Variants in MARCHF6 observed in about 807,000 individuals in gnomAD.
The protein encoded by MARCHF6 is membrane associated ring-CH-type finger 6, also known as E3 ubiquitin-protein ligase MARCHF6.
Under a neutral mutation model 133.7 loss-of-function variants are expected in MARCHF6, and 31 were observed. The ratio of observed to expected loss-of-function variants is 0.23; its 90% confidence interval spans 0.17 to 0.31. The LOEUF is 0.31. MARCHF6 is among the 10% of genes least tolerant of loss of function. The pLI, the probability that MARCHF6 is intolerant of heterozygous loss-of-function variation, is 1.00. For synonymous variants in MARCHF6, 395 were observed against 402.5 expected (o/e 0.98, Z 0.22); for missense variants, 723 against 1,121.6 (o/e 0.64, Z 5.08).
intron 1 of MARCHF6, among the ~76,000 whole-genome samples, chr5:10,375,037 G>A (rs373407147): frequency 6.6e-5 from 10 of 152,348 alleles, no homozygotes; most frequent in Admixed American, 1.3e-4. Context: ...CGCCTCCTCT[G>A]CCTGGGCTCC....
chr5:10,405,460 A>G, intron 15 of MARCHF6, 98 bp from the exon 16 acceptor site: 1 of 1,050,308 alleles, frequency 9.5e-7, no homozygotes, highest in Non-Finnish European at 1.3e-6. Context: ...TAGATGCCAG[A>G]ATAATTCTAA....
rs546967242 is a variant in MARCHF6, at chr5:10,406,534, C to T, written c.1453-568C>T. 2.6e-4 allele frequency among the ~76,000 whole-genome samples: 40 copies of T among 151,820 alleles called. 1 individual carries two copies. The South Asian group carries it at 5.4e-3, about 21-fold the overall frequency. ...CCTCCCAAGTAGCTGGGATTACAGGCGCCCACCACCAAGCTCAGCTAATTT... is the reference window on the plus strand; with the variant it reads ...CCTCCCAAGTAGCTGGGATTACAGGTGCCCACCACCAAGCTCAGCTAATTT... On this transcript the variant is annotated intron_variant, in intron 16 of 25. Coordinates refer to ENST00000274140, the MANE Select transcript of MARCHF6 (RefSeq NM_005885.4).
intron 22 of MARCHF6, among the ~76,000 whole-genome samples, chr5:10,422,807 C>CT (rs924225091): frequency 5.3e-5 from 8 of 151,954 alleles, no homozygotes; most frequent in African/African-American, 1.7e-4. Flanking sequence ...ATACTACATA[C>CT]TTTCTATGGG....
intron 1 of MARCHF6, among the ~76,000 whole-genome samples, chr5:10,362,483 G>A (rs1292552010): frequency 6.6e-6 from 1 of 152,120 alleles, no homozygotes; most frequent in Non-Finnish European, 1.5e-5. Context: ...GTTTATGTGG[G>A]TTTTATATGT....
intron 1 of MARCHF6, among the ~76,000 whole-genome samples, chr5:10,359,467 C>T (rs1735679069): frequency 6.6e-6 from 1 of 151,984 alleles, no homozygotes; most frequent in Middle Eastern, 3.2e-3. Context: ...AAGAATGCAG[C>T]ATATAATACA....
At chr5:10,431,657 GTA>G (rs1247793334) in intron 25 of MARCHF6, among the ~76,000 whole-genome samples, 16 of 151,666 alleles carry the variant, frequency 1.1e-4, no homozygotes, top group Non-Finnish European at 2.1e-4. Flanking sequence ...GTGTGAGAGT[GTA>G]TGTGTGTGTG....
Position 10,405,816 on chromosome 5 carries a change from A to G in MARCHF6, c.1452+139A>G, listed in dbSNP as rs907645054. ...ATATTTATCTAAGCCTGTGGTATTC[A>G]GTTGTCAAGTAGCTGTGTTATTGGT... On this transcript the variant is annotated intron_variant, in intron 16 of 25. Transcript: ENST00000274140. 14 of 634,836 alleles carry G rather than the reference A, an allele frequency of 2.2e-5. No homozygotes were observed. The African/African-American group carries it at 2.5e-4, about 11-fold the overall frequency. The allele number at this position is 634,836 out of a possible 1,614,324, so 39.3% of individuals were successfully genotyped here. A position where few individuals can be genotyped will look rare whatever the true frequency, so the allele number is the denominator to read the frequency against.
chr5:10,363,392 C>G (rs1042260213), intron 1 of MARCHF6, among the ~76,000 whole-genome samples: 1 of 152,144 alleles, frequency 6.6e-6, no homozygotes, highest in Non-Finnish European at 1.5e-5. Context: ...ATGTACATGG[C>G]TATTAAGCAT....
intron 3 of MARCHF6, 123 bp from the exon 4 acceptor site, chr5:10,381,677 A>T (rs1249824964): frequency 5.6e-6 from 4 of 709,676 alleles, no homozygotes; most frequent in Admixed American, 3.5e-5. Flanking sequence ...TATTTTTTTT[A>T]AATAGGAAAA....
chr5:10,394,902 C>CCATT, intron 9 of MARCHF6, 117 bp downstream of exon 9: 1 of 603,564 alleles, frequency 1.7e-6, no homozygotes, highest in South Asian at 1.9e-5. Flanking sequence ...TGGGTTCATG[C>CCATT]CATTCTCCTG....
chr5:10,363,245 G>A (rs533872960), intron 1 of MARCHF6, among the ~76,000 whole-genome samples: 2 of 152,266 alleles, frequency 1.3e-5, no homozygotes, highest in African/African-American at 4.8e-5. Flanking sequence ...TTAACAGAAT[G>A]AAGACAGGAT....
At chr5:10,407,364 A>G (rs1738960250) in intron 17 of MARCHF6, among the ~76,000 whole-genome samples, 162 bp downstream of exon 17, 1 of 152,158 alleles carries the variant, frequency 6.6e-6, no homozygotes, top group African/African-American at 2.4e-5. Context: ...TTTTTAAATT[A>G]AATTTAATGT....
chr5:10,422,873 C>T (rs1211717853), intron 22 of MARCHF6, among the ~76,000 whole-genome samples: 1 of 151,966 alleles, frequency 6.6e-6, no homozygotes, highest in Non-Finnish European at 1.5e-5. Context: ...TGGTATGTAC[C>T]AAAAGCTAAT....
rs755778336 is a variant in MARCHF6, at chr5:10,373,140, C to A, written c.20-4658C>A. Among the ~76,000 whole-genome samples the A allele has an allele frequency of 3.6e-4, 55 of 152,150 alleles. 1 individual carries two copies. The highest frequency in any genetic ancestry group is 1.8e-4 in the Non-Finnish European group (12 of 68,022). On this transcript the variant is annotated intron_variant, in intron 1 of 25. Coordinates refer to ENST00000274140, the MANE Select transcript of MARCHF6 (RefSeq NM_005885.4). ...GATAGTAGTTGTGTCTTTGCATTCT[C>A]TGAGTGAGAAACTTGGGATCCCAGT...
rs532697467 is a variant in MARCHF6, at chr5:10,367,214, T to C, written c.20-10584T>C. Among the ~76,000 whole-genome samples the C allele has an allele frequency of 2.6e-5, 4 of 152,202 alleles. No homozygotes were observed. The East Asian group carries it at 7.7e-4, about 29-fold the overall frequency. ...CCCAAGGAGACATGACAACTAAATA[T>C]ATGTAGATCCTAGAACAGAAAAGGG... On this transcript the variant is annotated intron_variant, in intron 1 of 25. Coordinates refer to ENST00000274140, the MANE Select transcript of MARCHF6 (RefSeq NM_005885.4).
intron 1 of MARCHF6, among the ~76,000 whole-genome samples, chr5:10,377,401 T>C (rs569577266): frequency 1.3e-5 from 2 of 152,204 alleles, no homozygotes; most frequent in East Asian, 1.9e-4. Flanking sequence ...TTGTGGAGTT[T>C]AGGCTGTTAG....
At chr5:10,380,472 A>G (rs1278955449) in intron 3 of MARCHF6, among the ~76,000 whole-genome samples, 2 of 152,208 alleles carry the variant, frequency 1.3e-5, no homozygotes, top group Non-Finnish European at 2.9e-5. Context: ...TGAGGCCAAT[A>G]GAAGCTTGTT....
intron 1 of MARCHF6, among the ~76,000 whole-genome samples, chr5:10,370,640 T>G (rs2126671810): frequency 6.6e-6 from 1 of 152,284 alleles, no homozygotes; most frequent in East Asian, 1.9e-4. Flanking sequence ...TCAAACCATT[T>G]TCTTTCTTTT....
rs1740733452 is a variant in MARCHF6, at chr5:10,438,573, T to C, written c.*4889T>C. 6.6e-6 allele frequency: 1 copy of C among 152,222 alleles called. No homozygotes were observed. Among genetic ancestry groups the C allele is most frequent in the East Asian group, 1.9e-4 (1 of 5,202 alleles). The allele number at this position is 152,222 out of a possible 1,614,324, so 9.4% of individuals were successfully genotyped here. On this transcript the variant is annotated 3_prime_UTR_variant, in exon 26 of 26. Transcript: ENST00000274140. ...GCAAACATGTAGTGATAAGGAGAAC[T>C]AACGTATCAAGGGGCTGAGAGGGTA...
Sources: gnomAD v4.1 joint callset for allele counts (sites outside exome capture counted in the v4.1 genomes callset) on GRCh38, gnomAD v4.1.1 for gene constraint, MANE v1.5 for transcripts, NCBI Gene and HGNC (gene_info 2026-07-23, HGNC 2026-07-21) for gene names.